The following CFAP74 variants were observed in gnomAD, a reference collection of about 807,000 sequenced individuals.
CFAP74 encodes cilia and flagella associated protein 74.
A neutral mutation model predicts 188.9 loss-of-function variants in CFAP74; 124 were observed. The ratio of observed to expected loss-of-function variants is 0.66; its 90% confidence interval spans 0.57 to 0.76. CFAP74 has a LOEUF of 0.76. CFAP74 is among the 30% of genes least tolerant of loss of function. The pLI is 0.00. For synonymous variants in CFAP74, 956 were observed against 916.7 expected (o/e 1.04, Z -0.77); for missense variants, 2,198 against 2,165.2 (o/e 1.02, Z -0.30).
intron 9 of CFAP74, 64 bp from the exon 10 acceptor site, chr1:1,970,880 C>T: frequency 6.3e-7 from 1 of 1,580,082 alleles, no homozygotes; most frequent in Non-Finnish European, 8.7e-7. Context: ...CACGCTCACA[C>T]CTGCACATGT....
chr1:1,940,289 A>G (rs1653276215), intron 23 of CFAP74, 27 bp downstream of exon 23: 1 of 1,510,678 alleles, frequency 6.6e-7, no homozygotes, highest in East Asian at 2.5e-5. Flanking sequence ...AGCGCCCAGC[A>G]TCCCTGGGAA....
At position 1,986,996 on chromosome 1, in the gene CFAP74, G is replaced by A. The variant is rs781403360; in HGVS notation, c.336C>T (p.Ile112=). The change falls in exon 5 of 39, where the codon ATC becomes ATT. Residue 112 remains isoleucine, a synonymous_variant. Coordinates refer to ENST00000682832, the MANE Select transcript of CFAP74 (RefSeq NM_001304360.2). ...LRACRQRRDL[I]DKQQEAVAAE... is the part of the protein sequence containing the mutation. The stretch of plus-strand genomic sequence containing the variant: ...CTGCCACAGCCTCCTGCTGCTTGTC[G>A]ATCAGGTCCCGCCTCTGCCGACAGG... The A allele has an allele frequency of 8.7e-6, 14 of 1,601,814 alleles. No individual in the cohort carries two copies. The East Asian group carries it at 8.9e-5, about 10-fold the overall frequency.
intron 24 of CFAP74, 116 bp from the exon 25 acceptor site, chr1:1,939,104 G>A (rs1653167521): frequency 9.0e-7 from 1 of 1,105,948 alleles, no homozygotes; most frequent in Non-Finnish European, 1.3e-6. Flanking sequence ...GAGCGAATGT[G>A]AGGGTGAGAG....
At chr1:1,955,946 G>A (rs937251709) in intron 17 of CFAP74, 96 bp from the exon 18 acceptor site, 21 of 1,476,720 alleles carry the variant, frequency 1.4e-5, no homozygotes, top group Admixed American at 2.3e-5. Flanking sequence ...CGTGTTGGGG[G>A]CTGGACCCTG....
At chr1:1,988,257 C>T in intron 4 of CFAP74, 1 of 649,560 alleles carries the variant, frequency 1.5e-6, no homozygotes, top group East Asian at 3.0e-5. Context: ...GAAAGCTTGA[C>T]AGGTGGCAAC....
intron 18 of CFAP74, chr1:1,954,807 G>C (rs1654432595): frequency 8.9e-7 from 1 of 1,125,320 alleles, no homozygotes; most frequent in African/African-American, 1.7e-5. Flanking sequence ...TTTGGTATTA[G>C]CTGATGCCAG....
intron 17 of CFAP74, 93 bp downstream of exon 17, chr1:1,956,527 G>A: frequency 1.3e-6 from 2 of 1,492,118 alleles, no homozygotes; most frequent in Non-Finnish European, 1.9e-6. Flanking sequence ...GCCCACTGTT[G>A]ATACCCTCAT....
chr1:1,926,654 A>G lies in CFAP74; in HGVS notation c.3770T>C (p.Val1257Ala). The change falls in exon 30 of 39, where the codon GTG becomes GCG. Residue 1257 changes from valine (V) to alanine (A), a missense_variant and splice_region_variant. Coordinates refer to ENST00000682832, the MANE Select transcript of CFAP74 (RefSeq NM_001304360.2). ...GTGGGCGGGGCTTAGCGTCTCACCC[A>G]CAGCGACGTCGCCGAAGTTAAAGAT... The part of the protein sequence containing the change: ...KTIFNFGDVA[V>A]GHRSIKKISI... The G allele has an allele frequency of 6.5e-7, 1 of 1,549,798 alleles. No homozygotes were observed.
In CFAP74 at chr1:1,927,045, G is replaced by A. The variant is rs1330459437; in HGVS notation, c.3528-17C>T. 5.2e-6 allele frequency: 8 copies of A among 1,550,092 alleles called. No individual in the cohort carries two copies. In the Admixed American group the frequency reaches 1.2e-4, roughly 23 times the overall value. On this transcript the variant is annotated splice_polypyrimidine_tract_variant and intron_variant, in intron 28 of 38. Transcript: ENST00000682832. The stretch of plus-strand genomic sequence containing the variant: ...TCGTCGGAACTAGAAGGAAGTCAGA[G>A]GCTTGCGCTCCCGCCTTGCCCCCAC...
intron 9 of CFAP74, 76 bp from the exon 10 acceptor site, chr1:1,970,892 C>T (rs935313358): frequency 2.2e-5 from 34 of 1,560,006 alleles, no homozygotes; most frequent in Middle Eastern, 1.7e-4. Flanking sequence ...TGCACATGTG[C>T]ACACACAGGT....
chr1:1,972,733 C>A (rs929505923), intron 8 of CFAP74, among the ~76,000 whole-genome samples: 3 of 152,214 alleles, frequency 2.0e-5, no homozygotes, highest in African/African-American at 7.2e-5. Flanking sequence ...GTAATCCCAG[C>A]TACTCAGGAG....
chr1:1,944,160 T>C (rs1474335878), intron 21 of CFAP74, among the ~76,000 whole-genome samples, 171 bp downstream of exon 21: 1 of 152,164 alleles, frequency 6.6e-6, no homozygotes, highest in African/African-American at 2.4e-5. Flanking sequence ...ATGTCCCCGC[T>C]GGCCACTGGG....
chr1:1,925,877 G>A lies in CFAP74; in HGVS notation c.4010C>T (p.Thr1337Ile). ...GCACGTGATCATGGACGCCACGCCA[G>A]TGCCCATGAGGGTGAGGGTGAGCGT... The part of the protein sequence containing the change: ...RGTLTLTLMG[T>I]GVASMITCSI... The change falls in exon 33 of 39, where the codon ACT (threonine) becomes ATT (isoleucine). Residue 1337 changes from threonine to isoleucine, a missense_variant. By Grantham distance (89) the Thr-to-Ile change is moderately conservative (BLOSUM62 -1). Coordinates refer to ENST00000682832, the MANE Select transcript of CFAP74 (RefSeq NM_001304360.2). 6.2e-7 allele frequency: 1 copy of A among 1,612,718 alleles called. No individual in the cohort carries two copies. The highest frequency in any genetic ancestry group is 8.5e-7 in the Non-Finnish European group (1 of 1,179,914).
chr1:1,990,656 T>C (rs2102108636), intron 2 of CFAP74, among the ~76,000 whole-genome samples: 1 of 152,302 alleles, frequency 6.6e-6, no homozygotes, highest in African/African-American at 2.4e-5. Flanking sequence ...ATCAGATTTC[T>C]CAATACTGAT....
intron 6 of CFAP74, among the ~76,000 whole-genome samples, chr1:1,982,240 AGCC>A: frequency 6.9e-6 from 1 of 144,926 alleles, no homozygotes; most frequent in South Asian, 2.2e-4. Flanking sequence ...CAGGACACCC[AGCC>A]GTGGTCACAC....
intron 13 of CFAP74, among the ~76,000 whole-genome samples, chr1:1,964,667 G>T (rs1655334516): frequency 6.6e-6 from 1 of 152,338 alleles, no homozygotes; most frequent in Non-Finnish European, 1.5e-5. Flanking sequence ...GCAGGCGCCT[G>T]TAATCCCTGC....
intron 6 of CFAP74, among the ~76,000 whole-genome samples, chr1:1,979,348 C>T (rs1656659909): frequency 7.1e-6 from 1 of 140,516 alleles, no homozygotes. Flanking sequence ...GACAAGGCTG[C>T]ACAGAACATG....
In CFAP74 at chr1:1,940,296, G is replaced by C. The variant is rs752608493; in HGVS notation, c.2703+20C>G. 424 of 1,528,582 alleles carry C rather than the reference G, an allele frequency of 2.8e-4. No individual in the cohort carries two copies. The highest frequency in any genetic ancestry group is 3.6e-4 in the Non-Finnish European group (414 of 1,140,732). The allele number at this position is 1,528,582 out of a possible 1,614,324, so 94.7% of individuals were successfully genotyped here. A position where few individuals can be genotyped will look rare whatever the true frequency, so the allele number is the denominator to read the frequency against. ...TACCCAGGAGCGCCCAGCATCCCTG[G>C]GAAGTGCCCCAACACAGACCTGGTC... is the stretch of plus-strand genomic sequence containing the variant. On this transcript the variant is annotated intron_variant, in intron 23 of 38. Transcript: ENST00000682832.
At chr1:1,974,300 C>T (rs1323424031) in intron 6 of CFAP74, 102 bp from the exon 7 acceptor site, 5 of 1,224,026 alleles carry the variant, frequency 4.1e-6, no homozygotes, top group Non-Finnish European at 5.7e-6. Context: ...AGATGTTGAA[C>T]ACCCCAGATG....
Sources: allele counts gnomAD v4.1 joint callset (sites outside exome capture counted in the v4.1 genomes callset), GRCh38; gene constraint gnomAD v4.1.1; transcripts MANE v1.5; gene names NCBI Gene and HGNC (gene_info 2026-07-23, HGNC 2026-07-21).